Variants in RPS6KA5 observed in about 807,000 individuals in gnomAD.
The protein encoded by RPS6KA5 is ribosomal protein S6 kinase alpha-5.
A neutral mutation model predicts 85.5 loss-of-function variants in RPS6KA5; 27 were observed. The observed-to-expected ratio is 0.32, with a 90% CI of 0.23 to 0.44. The LOEUF (loss-of-function observed/expected upper bound fraction) is 0.44. Among genes scored for constraint, RPS6KA5 ranks in the 20% least tolerant of loss-of-function variants. The pLI is 1.00. For synonymous variants in RPS6KA5, 334 were observed against 348.2 expected (o/e 0.96, Z 0.46); for missense variants, 811 against 980.9 (o/e 0.83, Z 2.31).
intron 1 of RPS6KA5, among the ~76,000 whole-genome samples, chr14:91,033,189 CA>C (rs71117400): frequency 3.0e-4 from 41 of 138,378 alleles, no homozygotes; most frequent in Non-Finnish European, 2.8e-4. Context: ...GACTCTGTCT[CA>C]AAAAAAAAAA....
At chr14:90,879,692 C>T (rs539703074) in intron 14 of RPS6KA5, among the ~76,000 whole-genome samples, 6 of 152,204 alleles carry the variant, frequency 3.9e-5, no homozygotes, top group African/African-American at 1.4e-4. Flanking sequence ...TGGGATTATG[C>T]TCTTTAATAA....
intron 5 of RPS6KA5, among the ~76,000 whole-genome samples, chr14:90,925,885 T>A (rs1250912369): frequency 7.7e-6 from 1 of 130,344 alleles, no homozygotes. Context: ...GAGGCTGCAG[T>A]GAGCCATGAT....
rs2032865050 is a variant in RPS6KA5 at position 90,867,850 on chromosome 14, A to C, written c.*4224T>G. On this transcript the variant is annotated 3_prime_UTR_variant, in exon 17 of 17. Transcript: ENST00000614987. ...AGGCACCTACTTAATTCACAAATTC[A>C]TGAAACAGGGTGGACAACAGCCTTG... 1 of 152,230 alleles carries C rather than the reference A, an allele frequency of 6.6e-6. No homozygotes were observed. Among genetic ancestry groups the C allele is most frequent in the Non-Finnish European group, 1.5e-5 (1 of 68,016 alleles). 9.4% of individuals were successfully genotyped at this position (152,230 alleles called of 1,614,324 possible).
intron 3 of RPS6KA5, among the ~76,000 whole-genome samples, chr14:90,976,792 T>C (rs1274376098): frequency 1.2e-4 from 18 of 152,174 alleles, no homozygotes; most frequent in Admixed American, 1.2e-3. Flanking sequence ...AGATTTAGAA[T>C]TGTTAATTGA....
intron 8 of RPS6KA5, among the ~76,000 whole-genome samples, 199 bp from the exon 9 acceptor site, chr14:90,903,168 AAAGAT>A (rs1199281196): frequency 5.3e-5 from 8 of 152,210 alleles, no homozygotes; most frequent in Non-Finnish European, 1.2e-4. Flanking sequence ...GCTGTGCCTC[AAAGAT>A]GAGACTATCG....
At chr14:90,952,662 G>A (rs922695613) in intron 3 of RPS6KA5, among the ~76,000 whole-genome samples, 27 of 152,224 alleles carry the variant, frequency 1.8e-4, no homozygotes. Flanking sequence ...CTTGGGGATC[G>A]GCTAATGAGT....
chr14:90,976,987 A>G (rs1457896287), intron 3 of RPS6KA5, among the ~76,000 whole-genome samples: 1 of 152,222 alleles, frequency 6.6e-6, no homozygotes, highest in Non-Finnish European at 1.5e-5. Context: ...ATTTAGGGAA[A>G]CAGAAGACAG....
rs762707763 is a variant in RPS6KA5 at position 90,902,843 on chromosome 14, C to T, written c.1084G>A (p.Ala362Thr). ...FTEMDPTYSP[A>T]ALPQSSEKLF... ...TTCTCAGAACTCTGGGGCAGGGCTG[C>T]GGGAGAATAAGTGGGATCCATTTCT... is the stretch of plus-strand genomic sequence containing the variant. The change falls in exon 9 of 17, where the codon GCA (alanine) becomes ACA (threonine). Residue 362 changes from alanine (A) to threonine (T), a missense_variant. Ala to Thr is a moderately conservative substitution (Grantham distance 58). Coordinates refer to ENST00000614987, the MANE Select transcript of RPS6KA5 (RefSeq NM_004755.4). The T allele has an allele frequency of 6.2e-6, 10 of 1,613,504 alleles. No homozygotes were observed. Among genetic ancestry groups the T allele is most frequent in the Admixed American group, 1.7e-5 (1 of 59,962 alleles).
intron 3 of RPS6KA5, among the ~76,000 whole-genome samples, chr14:90,948,026 A>G (rs190892443): frequency 6.6e-6 from 1 of 152,240 alleles, no homozygotes; most frequent in Non-Finnish European, 1.5e-5. Context: ...CCAAAAATCT[A>G]TATTAGGTAA....
rs555462018 is a variant in RPS6KA5, at chr14:90,866,920, T to C, written c.*5154A>G. ...TGCTAGTATTTATAATTTCAGCAAATAGGATAGCAGTATAGTACCTAAAAT... is the reference window on the plus strand; with the variant it reads ...TGCTAGTATTTATAATTTCAGCAAACAGGATAGCAGTATAGTACCTAAAAT... On this transcript the variant is annotated 3_prime_UTR_variant, in exon 17 of 17. Coordinates refer to ENST00000614987, the MANE Select transcript of RPS6KA5 (RefSeq NM_004755.4). The C allele has an allele frequency of 1.8e-4, 28 of 152,328 alleles. 1 individual carries two copies. The highest frequency in any genetic ancestry group is 6.7e-4 in the African/African-American group (28 of 41,590). 9.4% of individuals were successfully genotyped at this position (152,328 alleles called of 1,614,324 possible).
At chr14:90,971,982 G>A (rs1387740861) in intron 3 of RPS6KA5, among the ~76,000 whole-genome samples, 1 of 152,210 alleles carries the variant, frequency 6.6e-6, no homozygotes, top group Non-Finnish European at 1.5e-5. Flanking sequence ...ATAGCTTTCA[G>A]CTAGAAGGTA....
intron 5 of RPS6KA5, among the ~76,000 whole-genome samples, chr14:90,931,216 A>C (rs2036958727): frequency 6.6e-6 from 1 of 152,234 alleles, no homozygotes; most frequent in Admixed American, 6.5e-5. Flanking sequence ...TTAATAAAGA[A>C]GGAAATCTTG....
intron 1 of RPS6KA5, among the ~76,000 whole-genome samples, chr14:91,042,032 G>T (rs1184573814): frequency 6.6e-6 from 1 of 152,158 alleles, no homozygotes; most frequent in East Asian, 1.9e-4. Context: ...AGAACATTAA[G>T]CTTACTAAGA....
At chr14:91,000,759 G>A (rs1000091206) in intron 2 of RPS6KA5, among the ~76,000 whole-genome samples, 2 of 151,974 alleles carry the variant, frequency 1.3e-5, no homozygotes, top group Non-Finnish European at 2.9e-5. Flanking sequence ...CTGAGATCAC[G>A]CCACCACACT....
intron 2 of RPS6KA5, among the ~76,000 whole-genome samples, chr14:90,980,063 A>G (rs564404202): frequency 3.9e-5 from 6 of 152,386 alleles, no homozygotes; most frequent in Admixed American, 2.6e-4. Flanking sequence ...CGGAAATCCA[A>G]TAATTATAGG....
chr14:90,892,341 C>T (rs1481239098), intron 13 of RPS6KA5, among the ~76,000 whole-genome samples: 1 of 152,120 alleles, frequency 6.6e-6, no homozygotes, highest in African/African-American at 2.4e-5. Flanking sequence ...GAGGATGTGG[C>T]AATCACTTTA....
intron 2 of RPS6KA5, among the ~76,000 whole-genome samples, chr14:90,983,567 C>T (rs1396480034): frequency 6.6e-6 from 1 of 151,142 alleles, no homozygotes; most frequent in Non-Finnish European, 1.5e-5. Flanking sequence ...GCCACTTGCA[C>T]TCCAGCCTGG....
At chr14:90,889,905 A>G (rs1328847384) in intron 14 of RPS6KA5, among the ~76,000 whole-genome samples, 1 of 152,214 alleles carries the variant, frequency 6.6e-6, no homozygotes, top group African/African-American at 2.4e-5. Context: ...TCCCAAGATC[A>G]TGCATTACAA....
At chr14:91,037,529 GT>G (rs2042451923) in intron 1 of RPS6KA5, among the ~76,000 whole-genome samples, 3 of 152,172 alleles carry the variant, frequency 2.0e-5, no homozygotes. Context: ...AATTACCTTG[GT>G]GAATGAAGTG....
Sources: gnomAD v4.1 joint callset for allele counts (sites outside exome capture counted in the v4.1 genomes callset) on GRCh38, gnomAD v4.1.1 for gene constraint, MANE v1.5 for transcripts, NCBI Gene and HGNC (gene_info 2026-07-23, HGNC 2026-07-21) for gene names.